PLEC: variants seen among roughly 807,000 people sequenced by gnomAD.
The protein encoded by PLEC is plectin, also known as hemidesmosomal protein 1.
In PLEC, 216 loss-of-function variants were observed where a neutral mutation model predicts 392.8. That is an observed-to-expected ratio of 0.55 (90% CI 0.49 to 0.62). The LOEUF is 0.62. Ranked by LOEUF, PLEC falls within the 20% of genes least tolerant of loss-of-function variation. PLEC has a pLI of 0.00. For synonymous variants in PLEC, 3,621 were observed against 2,980.6 expected, an observed-to-expected ratio of 1.21 and a Z score of -7.00; for missense variants, 6,863 against 6,563.4, an observed-to-expected ratio of 1.05 and a Z score of -1.58.
chr8:143,941,602 C>T (rs1267808265), upstream of PLEC, among the ~76,000 whole-genome samples: 2 of 152,132 alleles, frequency 1.3e-5, no homozygotes, highest in South Asian at 2.1e-4. Context: ...AGCTCCCCTT[C>T]CCTACTTCCT....
At chr8:143,976,142 C>CGAGGCCGGGAGG (rs1564242965), upstream of PLEC, among the ~76,000 whole-genome samples, 1 of 152,232 alleles carries the variant, frequency 6.6e-6, no homozygotes, top group Admixed American at 6.5e-5. Flanking sequence ...TCTGCTGCAG[C>CGAGGCCGGGAGG]GAGGCCGGGA....
In PLEC at chr8:143,971,084, A is replaced by T. The variant is rs1449941337; in HGVS notation, c.70+2319T>A. On this transcript the variant is annotated intron_variant, in intron 1 of 31. Transcript: ENST00000356346. ...GCAGTGGCCGCCTGACTGTACAGGG[A>T]AGACCGGGGATTTCCAGGGGAGAGC... Among the ~76,000 whole-genome samples, 17 of 152,170 alleles carry T rather than the reference A, an allele frequency of 1.1e-4. No individual in the cohort carries two copies. The South Asian group carries it at 2.3e-3, about 20-fold the overall frequency.
At position 143,922,944 on chromosome 8, in the gene PLEC, C is replaced by T. The variant is rs1554690982; in HGVS notation, c.6985G>A (p.Ala2329Thr). ...VQEATRLKAE[A>T]ELLQQQKELA... ...TCCTTCTGCTGCTGCAGCAGTTCCG[C>T]CTCAGCCTTGAGTCGCGTGGCCTCC... Residue 2329 changes from alanine to threonine, a missense_variant, in exon 31 of 32, where the codon GCG becomes ACG. Physicochemically the swap from Ala to Thr is moderately conservative, Grantham distance 58. Coordinates refer to ENST00000345136, the MANE Select transcript of PLEC (RefSeq NM_201384.3). 3.7e-6 allele frequency: 6 copies of T among 1,608,278 alleles called. No homozygotes were observed. In the South Asian group the frequency reaches 4.4e-5, roughly 12 times the overall value.
upstream of PLEC, among the ~76,000 whole-genome samples, chr8:143,942,179 C>G (rs564990591): frequency 2.5e-4 from 38 of 151,120 alleles, no homozygotes; most frequent in South Asian, 7.3e-3. Context: ...CCCGCCCCCT[C>G]CAGCCCCTTC....
chr8:143,955,594 G>GT (rs782268602), upstream of PLEC, among the ~76,000 whole-genome samples: 976 of 148,650 alleles, frequency 6.6e-3, 5 homozygotes, highest in African/African-American at 0.019. Flanking sequence ...AAAAAATGCT[G>GT]TTTTTTTTTT....
chr8:143,967,280 T>C (rs555269336), intron 1 of PLEC, among the ~76,000 whole-genome samples: 1 of 145,718 alleles, frequency 6.9e-6, no homozygotes, highest in Non-Finnish European at 1.5e-5. Flanking sequence ...GGAGAATGGC[T>C]TGAACCCGGG....
At chr8:143,940,738 G>A (rs1830305364), upstream of PLEC, among the ~76,000 whole-genome samples, 1 of 152,164 alleles carries the variant, frequency 6.6e-6, no homozygotes, top group Non-Finnish European at 1.5e-5. Context: ...CATTCCTACT[G>A]CCCCTGAGGC....
upstream of PLEC, among the ~76,000 whole-genome samples, chr8:143,941,453 G>A (rs1830433371): frequency 1.3e-5 from 2 of 152,122 alleles, 1 homozygote; most frequent in South Asian, 4.2e-4. Context: ...TCAGGGAAGG[G>A]AAGGGGCACG....
In PLEC at chr8:143,921,054, TCAC is replaced by T. The variant is rs1563984038; in HGVS notation, c.8764_8766del (p.Val2922del). ...TCCGAGTTGATGATCTCCCAAATGG[TCAC>T]CGTCTTGCCCTGGAACTTGCCGAAC... is the stretch of plus-strand genomic sequence containing the variant. On this transcript the variant is annotated inframe_deletion, in exon 32 of 32. Transcript: ENST00000345136. 6.8e-6 allele frequency: 11 copies of T among 1,612,258 alleles called. No homozygotes were observed. The highest frequency in any genetic ancestry group is 9.3e-6 in the Non-Finnish European group (11 of 1,180,022).
rs1554687728 is a variant in PLEC at position 143,921,938 on chromosome 8, T to C, written c.7883A>G (p.Asn2628Ser). 2 of 1,599,220 alleles carry C rather than the reference T, an allele frequency of 1.3e-6. No homozygotes were observed. The highest frequency in any genetic ancestry group is 1.3e-5 in the African/African-American group (1 of 74,930). Residue 2628 changes from asparagine to serine, a missense_variant, in exon 32 of 32, where the codon AAT becomes AGT. Asn to Ser is a conservative substitution (Grantham distance 46). Coordinates refer to ENST00000345136, the MANE Select transcript of PLEC (RefSeq NM_201384.3). ...GGGGCCATCAAGTGCATCCCGGCCA[T>C]TGGGCAGGGTCTTTGTGGCAGCCAC... ...SQVAATKTLP[N>S]GRDALDGPAA...
intron 1 of PLEC, among the ~76,000 whole-genome samples, chr8:143,944,973 C>G (rs1354114396): frequency 3.3e-5 from 5 of 150,386 alleles, no homozygotes; most frequent in Non-Finnish European, 7.4e-5. Context: ...CCTCGGTCCC[C>G]CAGCTCCCAC....
upstream of PLEC, chr8:143,973,617 G>GCGGGGCCGGGGCCGC (rs1554745124): frequency 1.2e-6 from 1 of 811,140 alleles, no homozygotes; most frequent in Non-Finnish European, 1.5e-6. This position sits in a 1 kb window ranked among gnomAD's most constrained non-coding sequence, Gnocchi z 5.6. Flanking sequence ...CACGGGCGGG[G>GCGGGGCCGGGGCCGC]CGGGGCCGGG....
intron 1 of PLEC, among the ~76,000 whole-genome samples, chr8:143,945,913 CAG>C (rs1831397431): frequency 6.6e-6 from 1 of 152,278 alleles, no homozygotes; most frequent in South Asian, 2.1e-4. Flanking sequence ...CGGGCGGGCC[CAG>C]GCAGCCCTGA....
chr8:143,953,465 C>CGCT (rs1461120211), upstream of PLEC, among the ~76,000 whole-genome samples: 1 of 151,942 alleles, frequency 6.6e-6, no homozygotes, highest in East Asian at 1.9e-4. Flanking sequence ...CCGCCGCCGC[C>CGCT]GCCGCCGCCG....
In PLEC at chr8:143,920,292, C is replaced by G; in HGVS notation, c.9529G>C (p.Asp3177His). The G allele has an allele frequency of 6.3e-7, 1 of 1,591,254 alleles. No individual in the cohort carries two copies. The highest frequency in any genetic ancestry group is 1.1e-5 in the South Asian group (1 of 89,818). The change falls in exon 32 of 32, where the codon GAC becomes CAC. Residue 3177 changes from aspartate to histidine, a missense_variant. Physicochemically the swap from Asp to His is moderately conservative, Grantham distance 81. Coordinates refer to ENST00000345136, the MANE Select transcript of PLEC (RefSeq NM_201384.3). ...CTGGGGTCACTGTAGGCCTTGGCGT[C>G]GGCCCTTGGTGCCGACAGGGCCCTG... ...TSRALSAPRA[D>H]AKAYSDPSTG... is the part of the protein sequence containing the mutation.
chr8:143,922,752 T>C lies in PLEC; in HGVS notation c.7177A>G (p.Ser2393Gly), dbSNP rs1554690406. ...TCCTCAGCGCGGGCCTGGGCTCGGC[T>C]CATCTCGGCCACACGCAGCTTGAGG... ...ERLKLRVAEM[S>G]RAQARAEEDA... The change falls in exon 31 of 32, where the codon AGC becomes GGC. Residue 2393 changes from serine (S) to glycine (G), a missense_variant. Transcript: ENST00000345136. 2 of 1,609,342 alleles carry C rather than the reference T, an allele frequency of 1.2e-6. No individual in the cohort carries two copies. Among genetic ancestry groups the C allele is most frequent in the East Asian group, 2.2e-5 (1 of 44,770 alleles).
rs782299720 is a variant in PLEC, at chr8:143,919,092, C to T, written c.10729G>A (p.Gly3577Ser). ...ATGGTGGAGCCGCCGTGGCTGCCGC[C>T]GCCGGGAATGTCGATCTGTGTCTCT... ...FEETQIDIPG[G>S]GSHGGSTMSL... is the part of the protein sequence containing the mutation. The change falls in exon 32 of 32, where the codon GGC (glycine) becomes AGC (serine). Residue 3577 changes from glycine to serine, a missense_variant. Physicochemically the swap from Gly to Ser is moderately conservative, Grantham distance 56. Coordinates refer to ENST00000345136, the MANE Select transcript of PLEC (RefSeq NM_201384.3). The T allele has an allele frequency of 2.0e-5, 33 of 1,611,808 alleles. No homozygotes were observed. Among genetic ancestry groups the T allele is most frequent in the Middle Eastern group, 3.3e-4 (2 of 6,082 alleles).
rs1435218285 is a variant in PLEC at position 143,924,861 on chromosome 8, C to G, written c.5068G>C (p.Ala1690Pro). ...EEQAVRQREL[A>P]EQELEKQRQL... ...CGCTGCTTCTCCAGCTCTTGTTCAG[C>G]CAGCTCCCGCTGCCGGACGGCCTGC... The change falls in exon 31 of 32, where the codon GCT becomes CCT. Residue 1690 changes from alanine (A) to proline (P), a missense_variant. By Grantham distance (27) the Ala-to-Pro change is conservative. Coordinates refer to ENST00000345136, the MANE Select transcript of PLEC (RefSeq NM_201384.3). 2 of 1,587,644 alleles carry G rather than the reference C, an allele frequency of 1.3e-6. No individual in the cohort carries two copies. The highest frequency in any genetic ancestry group is 1.7e-6 in the Non-Finnish European group (2 of 1,174,576).
intron 20 of PLEC, 31 bp downstream of exon 20, chr8:143,930,353 G>A (rs782163856): frequency 3.4e-5 from 53 of 1,579,310 alleles, no homozygotes; most frequent in Middle Eastern, 1.7e-4. Context: ...GCCTGGCCAC[G>A]CCCCCCAGTG....
Sources: allele counts gnomAD v4.1 joint callset (sites outside exome capture counted in the v4.1 genomes callset), GRCh38; gene constraint gnomAD v4.1.1; non-coding constraint Gnocchi (gnomAD v3.1); transcripts MANE v1.5; gene names NCBI Gene and HGNC (gene_info 2026-07-23, HGNC 2026-07-21).